The following PCDHGA8 variants were observed in gnomAD, a reference collection of about 807,000 sequenced individuals.
PCDHGA8 encodes protocadherin gamma subfamily A, 8, also known as protocadherin gamma-A8.
A neutral mutation model predicts 59.2 loss-of-function variants in PCDHGA8; 45 were observed. The ratio of observed to expected loss-of-function variants is 0.76; its 90% CI spans 0.60 to 0.98. The LOEUF (loss-of-function observed/expected upper bound fraction) is 0.98. PCDHGA8 is among the 50% of genes least tolerant of loss of function. The pLI is 0.00. For synonymous variants in PCDHGA8, 531 were observed against 519.0 expected, an observed-to-expected ratio of 1.02 and a Z score of -0.32; for missense variants, 1,257 against 1,196.2, an observed-to-expected ratio of 1.05 and a Z score of -0.75.
At chr5:141,446,894 A>C (rs1413761456) in intron 1 of PCDHGA8, among the ~76,000 whole-genome samples, 3 of 152,118 alleles carry the variant, frequency 2.0e-5, no homozygotes, top group Non-Finnish European at 2.9e-5. Flanking sequence ...TTCATGGCTG[A>C]GCTACTTTTG....
intron 1 of PCDHGA8, chr5:141,415,217 GCTTCGAGTCT>G: frequency 2.5e-6 from 4 of 1,614,124 alleles, no homozygotes; most frequent in Non-Finnish European, 3.4e-6. Context: ...GACCTCGGCA[GCTTCGAGTCT>G]CCAGCTAACT....
chr5:141,430,673 C>A, intron 1 of PCDHGA8: 1 of 1,288,318 alleles, frequency 7.8e-7, no homozygotes, highest in Non-Finnish European at 1.0e-6. Flanking sequence ...TCTGACTTCC[C>A]AACTGTCCCA....
At chr5:141,505,127 A>C (rs926566427) in intron 2 of PCDHGA8, among the ~76,000 whole-genome samples, 1 of 152,158 alleles carries the variant, frequency 6.6e-6, no homozygotes, top group Non-Finnish European at 1.5e-5. Context: ...GCGCCACTGC[A>C]CTCCAGCCTG....
chr5:141,490,010 T>C lies in PCDHGA8; in HGVS notation c.2425-4797T>C, dbSNP rs749356078. On this transcript the variant is annotated intron_variant, in intron 1 of 3. Coordinates refer to ENST00000398604, the MANE Select transcript of PCDHGA8 (RefSeq NM_032088.2). The surrounding 1 kb of genome is among the most constrained non-coding windows in gnomAD (Gnocchi z 5.4). ...GTGGGAATCCCAGAGAATGCACCCA[T>C]TGGTACTCTGCTGCTCCGCCTCAAT... 11 of 1,614,198 alleles carry C rather than the reference T, an allele frequency of 6.8e-6. No homozygotes were observed. The highest frequency in any genetic ancestry group is 2.2e-5 in the South Asian group (2 of 91,082).
chr5:141,505,520 C>T, intron 3 of PCDHGA8, 39 bp downstream of exon 3: 1 of 1,612,650 alleles, frequency 6.2e-7, no homozygotes, highest in Non-Finnish European at 8.5e-7. Flanking sequence ...AGTGGGAGAC[C>T]TGGGGTTCTG....
chr5:141,441,565 C>T (rs1049476318), intron 1 of PCDHGA8: 62 of 200,838 alleles, frequency 3.1e-4, no homozygotes, highest in African/African-American at 1.4e-3. Context: ...CAAGTAGACA[C>T]CTCCAACCTA....
chr5:141,405,295 C>T lies in PCDHGA8; in HGVS notation c.2424+10058C>T, dbSNP rs192426924. On this transcript the variant is annotated intron_variant, in intron 1 of 3. Transcript: ENST00000398604. ...CCAACTATGCAGACACACTCATCAG[C>T]CAGCAGAGCTGTGAGAAAAATGAGC... 26 of 1,614,180 alleles carry T rather than the reference C, an allele frequency of 1.6e-5. No individual in the cohort carries two copies. In the East Asian group the frequency reaches 4.0e-4, roughly 25 times the overall value.
At chr5:141,419,114 A>G in intron 1 of PCDHGA8, 1 of 1,613,926 alleles carries the variant, frequency 6.2e-7, no homozygotes. Flanking sequence ...CCCAGAGTAC[A>G]ACGTCACCAT....
Position 141,485,428 on chromosome 5 carries a change from C to T in PCDHGA8, c.2425-9379C>T, listed in dbSNP as rs2099613200. Reference sequence around the variant, plus strand: ...TGGATTTGGACAGCGGAGCCCTGCTCATCAAGAACCCAATCGACCGAGAGG... The same window carrying T: ...TGGATTTGGACAGCGGAGCCCTGCTTATCAAGAACCCAATCGACCGAGAGG... On this transcript the variant is annotated intron_variant, in intron 1 of 3. Transcript: ENST00000398604. The surrounding 1 kb of genome is among the most constrained non-coding windows in gnomAD (Gnocchi z 5.7). The T allele has an allele frequency of 2.5e-6, 4 of 1,614,160 alleles. No homozygotes were observed. The highest frequency in any genetic ancestry group is 3.4e-6 in the Non-Finnish European group (4 of 1,180,022).
Position 141,509,375 on chromosome 5 carries a change from T to C in PCDHGA8, c.2573-1572T>C, listed in dbSNP as rs1450730489. Among the ~76,000 whole-genome samples, 6 of 152,168 alleles carry C rather than the reference T, an allele frequency of 3.9e-5. No homozygotes were observed. In the East Asian group the frequency reaches 1.2e-3, roughly 29 times the overall value. On this transcript the variant is annotated intron_variant, in intron 3 of 3. Coordinates refer to ENST00000398604, the MANE Select transcript of PCDHGA8 (RefSeq NM_032088.2). ...GGGCATCCCTGAGGTTTTAACTGTC[T>C]CCTAACCACAGAGGATCTCAGGGCC...
intron 2 of PCDHGA8, among the ~76,000 whole-genome samples, chr5:141,498,882 G>A (rs1287566657): frequency 6.8e-6 from 1 of 147,420 alleles, no homozygotes; most frequent in African/African-American, 2.5e-5. Context: ...GCAGTGAGCT[G>A]AGATCACACC....
rs1417754081 is a variant in PCDHGA8, at chr5:141,512,046, T to C, written c.*873T>C. 1 of 152,746 alleles carries C rather than the reference T, an allele frequency of 6.5e-6. No individual in the cohort carries two copies. Among genetic ancestry groups the C allele is most frequent in the East Asian group, 1.9e-4 (1 of 5,190 alleles). 9.5% of individuals were successfully genotyped at this position (152,746 alleles called of 1,614,324 possible). Reference sequence around the variant, plus strand: ...GCCTTGGAGGAGGCTCTGTATGTCCTCAGGGGACTGACAACATCCTCCAGA... The same window carrying C: ...GCCTTGGAGGAGGCTCTGTATGTCCCCAGGGGACTGACAACATCCTCCAGA... On this transcript the variant is annotated 3_prime_UTR_variant, in exon 4 of 4. Transcript: ENST00000398604.
chr5:141,426,375 G>A, intron 1 of PCDHGA8: 2 of 216,424 alleles, frequency 9.2e-6, no homozygotes, highest in South Asian at 7.8e-5. Flanking sequence ...GGGCACCCTC[G>A]GAGCAGATCC....
intron 1 of PCDHGA8, among the ~76,000 whole-genome samples, chr5:141,473,033 G>A (rs1199215390): frequency 1.4e-5 from 2 of 146,282 alleles, no homozygotes. Flanking sequence ...AAGGAAGGAA[G>A]GAAAGAAAGA....
rs1161188105 is a variant in PCDHGA8, at chr5:141,427,974, G to A, written c.2424+32737G>A. 9 of 1,594,458 alleles carry A rather than the reference G, an allele frequency of 5.6e-6. No individual in the cohort carries two copies. In the Admixed American group the frequency reaches 1.5e-4, roughly 27 times the overall value. ...CAATGTGCCGCGGGTGCTGTACCCC[G>A]CGCTGGGGCCCGATGGCTCCGCACT... On this transcript the variant is annotated intron_variant, in intron 1 of 3. Transcript: ENST00000398604.
At chr5:141,417,740 C>A (rs2096156298) in intron 1 of PCDHGA8, 3 of 1,413,210 alleles carry the variant, frequency 2.1e-6, no homozygotes, top group East Asian at 2.5e-5. Flanking sequence ...CCCAGCACAC[C>A]AGATTGCCAG....
Position 141,392,700 on chromosome 5 carries a change from T to C in PCDHGA8, c.-114T>C. The C allele has an allele frequency of 8.0e-7, 1 of 1,257,648 alleles. No homozygotes were observed. The highest frequency in any genetic ancestry group is 1.1e-6 in the Non-Finnish European group (1 of 941,754). The allele number at this position is 1,257,648 out of a possible 1,614,324, so 77.9% of individuals were successfully genotyped here. On this transcript the variant is annotated 5_prime_UTR_variant, in exon 1 of 4. Transcript: ENST00000398604. Reference sequence around the variant, plus strand: ...ACTGCAGCGAAACCCGACCCCTGTTTGGAGGCACTCCAGGTTTCCGGAGGA... The same window carrying C: ...ACTGCAGCGAAACCCGACCCCTGTTCGGAGGCACTCCAGGTTTCCGGAGGA...
intron 1 of PCDHGA8, chr5:141,415,889 T>C: frequency 2.1e-6 from 2 of 942,152 alleles, no homozygotes; most frequent in Non-Finnish European, 2.9e-6. Context: ...TATTGACAAT[T>C]CCTAAGACAG....
rs1317699369 is a variant in PCDHGA8 at position 141,477,408 on chromosome 5, A to G, written c.2425-17399A>G. The G allele has an allele frequency of 6.2e-7, 1 of 1,614,098 alleles. No homozygotes were observed. ...TACAACCTCAGCATCACCGCCCGAG[A>G]CGCCGGAACCCCTTCCCTCTCAGCC... On this transcript the variant is annotated intron_variant, in intron 1 of 3. Transcript: ENST00000398604. This position sits in a 1 kb window ranked among gnomAD's most constrained non-coding sequence, Gnocchi z 4.9.
Sources: gnomAD v4.1 joint callset for allele counts (sites outside exome capture counted in the v4.1 genomes callset) on GRCh38, gnomAD v4.1.1 for gene constraint, Gnocchi (gnomAD v3.1) non-coding constraint, MANE v1.5 for transcripts, NCBI Gene and HGNC (gene_info 2026-07-23, HGNC 2026-07-21) for gene names.